The following TENM4 variants were observed in gnomAD, a reference collection of about 807,000 sequenced individuals.
The protein encoded by TENM4 is teneurin transmembrane protein 4, also known as teneurin-4.
In TENM4, 82 loss-of-function variants were observed where a neutral mutation model predicts 243.3. That is an observed-to-expected ratio of 0.34 (90% CI 0.28 to 0.40). The LOEUF is 0.40. Ranked by LOEUF, TENM4 falls within the 10% of genes least tolerant of loss-of-function variation. The pLI is 1.00. For missense variants in TENM4, 3,138 were observed against 3,673.3 expected, an observed-to-expected ratio of 0.85 and a Z score of 3.77; for synonymous variants, 1,412 against 1,456.3, an observed-to-expected ratio of 0.97 and a Z score of 0.69.
intron 1 of TENM4, among the ~76,000 whole-genome samples, chr11:79,333,224 G>T (rs888407239): frequency 1.4e-5 from 2 of 147,320 alleles, no homozygotes; most frequent in Admixed American, 1.4e-4. Flanking sequence ...TTCATGGCCT[G>T]CCCATTCATC....
intron 3 of TENM4, among the ~76,000 whole-genome samples, chr11:79,163,637 G>A (rs754878481): frequency 1.3e-5 from 2 of 151,746 alleles, no homozygotes; most frequent in Non-Finnish European, 2.9e-5. Context: ...GAGAACATAT[G>A]ATGTCTGGTT....
chr11:78,777,345 C>A (rs1856758094), intron 17 of TENM4, among the ~76,000 whole-genome samples: 1 of 152,172 alleles, frequency 6.6e-6, no homozygotes, highest in African/African-American at 2.4e-5. Context: ...GCAAAGCTGT[C>A]CTAGCTGAAA....
At chr11:78,866,530 G>T (rs1438076960) in intron 9 of TENM4, among the ~76,000 whole-genome samples, 1 of 150,182 alleles carries the variant, frequency 6.7e-6, no homozygotes, top group Non-Finnish European at 1.5e-5. Context: ...TGTTGCAGGT[G>T]AAAATGATCA....
chr11:79,256,906 G>A (rs1047363803), intron 2 of TENM4, among the ~76,000 whole-genome samples: 1 of 152,182 alleles, frequency 6.6e-6, no homozygotes, highest in African/African-American at 2.4e-5. Context: ...CTAAGGGCCT[G>A]TGGAGTGACC....
intron 2 of TENM4, among the ~76,000 whole-genome samples, chr11:79,297,032 G>C (rs1345099771): frequency 6.6e-6 from 1 of 152,224 alleles, no homozygotes; most frequent in Non-Finnish European, 1.5e-5. Context: ...TGTGAGTTAA[G>C]TGGCTTGCCT....
intron 1 of TENM4, among the ~76,000 whole-genome samples, chr11:79,347,844 A>G (rs962809508): frequency 7.2e-6 from 1 of 138,020 alleles, no homozygotes. Context: ...CAGTGGCGCA[A>G]TCTCGGCTCA....
intron 2 of TENM4, among the ~76,000 whole-genome samples, chr11:79,291,310 G>A (rs2048810106): frequency 6.6e-6 from 1 of 152,162 alleles, no homozygotes; most frequent in Admixed American, 6.5e-5. Flanking sequence ...GATGCAGCTG[G>A]CATGGAACAG....
intron 2 of TENM4, among the ~76,000 whole-genome samples, chr11:79,279,148 T>G (rs542183815): frequency 6.6e-5 from 10 of 152,302 alleles, no homozygotes; most frequent in African/African-American, 1.7e-4. Flanking sequence ...CATTAGGGAC[T>G]CCTTGGCTGA....
rs1862223971 is a variant in TENM4, at chr11:79,139,595, A to AATATATATTATATTTATATAAG, written c.-66+9114_-66+9115insCTTATATAAATATAATATATAT. 2.2e-4 allele frequency among the ~76,000 whole-genome samples: 14 copies of AATATATATTATATTTATATAAG among 62,622 alleles called. 4 individuals carry two copies. The East Asian group carries it at 5.2e-3, about 23-fold the overall frequency. 41.1% of individuals were successfully genotyped at this position (62,622 alleles called of 152,430 possible). ...TAAAATATATATTATATTTCTAGAA[A>AATATATATTATATTTATATAAG]TATATAAAATATATATTATATTTAT... is the stretch of plus-strand genomic sequence containing the variant. On this transcript the variant is annotated intron_variant, in intron 4 of 33. Coordinates refer to ENST00000278550, the MANE Select transcript of TENM4 (RefSeq NM_001098816.3).
chr11:79,212,454 C>T (rs1258645682), intron 3 of TENM4, among the ~76,000 whole-genome samples: 2 of 152,152 alleles, frequency 1.3e-5, no homozygotes, highest in Admixed American at 1.3e-4. Context: ...ACTTTCTACC[C>T]TAAGCTTTTT....
chr11:79,177,379 T>C (rs1863184248), intron 3 of TENM4, among the ~76,000 whole-genome samples: 1 of 151,914 alleles, frequency 6.6e-6, no homozygotes, highest in Non-Finnish European at 1.5e-5. Context: ...CTCCTTTTCT[T>C]TTTTTTTCTT....
rs903597339 is a variant in TENM4, at chr11:79,373,288, G to A, written c.-321+67221C>T. 4.0e-5 allele frequency among the ~76,000 whole-genome samples: 6 copies of A among 151,322 alleles called. No homozygotes were observed. The East Asian group carries it at 1.2e-3, about 29-fold the overall frequency. On this transcript the variant is annotated intron_variant, in intron 1 of 33. Transcript: ENST00000278550. ...TAAAGGTGTAGATGGATGCATGGGT[G>A]GATAGATGGCTGGCTGGCTGGCTGG...
At chr11:79,215,353 G>A (rs541051709) in intron 3 of TENM4, among the ~76,000 whole-genome samples, 21 of 152,114 alleles carry the variant, frequency 1.4e-4, no homozygotes, top group African/African-American at 4.1e-4. Context: ...TCACCTCCCC[G>A]TATCCTATTC....
intron 1 of TENM4, among the ~76,000 whole-genome samples, chr11:79,391,781 C>A (rs756581566): frequency 7.9e-5 from 12 of 152,154 alleles, no homozygotes; most frequent in Non-Finnish European, 1.6e-4. Context: ...TATTTCCTTT[C>A]AAAAATCTAA....
intron 6 of TENM4, among the ~76,000 whole-genome samples, chr11:78,942,436 C>A (rs1424247068): frequency 7.0e-6 from 1 of 142,326 alleles, no homozygotes; most frequent in Non-Finnish European, 1.5e-5. Flanking sequence ...TAGCACAAGA[C>A]CCTGTCTCAA....
intron 7 of TENM4, among the ~76,000 whole-genome samples, chr11:78,894,979 TAAAAAAAAAA>T (rs67819510): frequency 4.9e-4 from 29 of 59,488 alleles, no homozygotes; most frequent in East Asian, 1.3e-3. Flanking sequence ...GACTCGGCCT[TAAAAAAAAAA>T]AAAAAAAAAA....
intron 1 of TENM4, among the ~76,000 whole-genome samples, chr11:79,383,478 T>A (rs4426152): frequency 6.6e-6 from 1 of 152,192 alleles, no homozygotes; most frequent in Admixed American, 6.5e-5. Flanking sequence ...TATTTTCTGA[T>A]GAGAATCTGA....
Position 78,891,306 on chromosome 11 carries a change from T to C in TENM4, c.780A>G (p.Thr260=), listed in dbSNP as rs1399955575. 1.3e-6 allele frequency: 2 copies of C among 1,551,686 alleles called. No homozygotes were observed. The highest frequency in any genetic ancestry group is 2.4e-5 in the South Asian group (2 of 84,066). The change falls in exon 8 of 34, where the codon ACA becomes ACG. Residue 260 remains threonine, a synonymous_variant. Transcript: ENST00000278550. ...RNLGKQPFLG[T]LQDNLIEMDI... is the part of the protein sequence containing the mutation. Reference sequence around the variant, plus strand: ...CCATCTCAATGAGGTTGTCCTGCAATGTCCCTAGGAATGGCTGCTTGCCTA... The same window carrying C: ...CCATCTCAATGAGGTTGTCCTGCAACGTCCCTAGGAATGGCTGCTTGCCTA...
In TENM4 at chr11:78,948,527, C is replaced by T. The variant is rs551131638; in HGVS notation, c.494-45004G>A. Reference sequence around the variant, plus strand: ...TAGCTGGACTACAGGCACCCGCCACCGCGCCTGGCTAATTTTTGTATTTTT... The same window carrying T: ...TAGCTGGACTACAGGCACCCGCCACTGCGCCTGGCTAATTTTTGTATTTTT... On this transcript the variant is annotated intron_variant, in intron 6 of 33. Transcript: ENST00000278550. Among the ~76,000 whole-genome samples the T allele has an allele frequency of 1.1e-4, 16 of 152,264 alleles. No individual in the cohort carries two copies. In the East Asian group the frequency reaches 2.7e-3, roughly 26 times the overall value.
Sources: allele counts gnomAD v4.1 joint callset (sites outside exome capture counted in the v4.1 genomes callset), GRCh38; gene constraint gnomAD v4.1.1; transcripts MANE v1.5; gene names NCBI Gene and HGNC (gene_info 2026-07-23, HGNC 2026-07-21).